The following FBLN5 variants were observed in gnomAD, a reference collection of about 807,000 sequenced individuals.
FBLN5 encodes the protein fibulin 5.
Under a neutral mutation model 61.6 loss-of-function variants are expected in FBLN5, and 24 were observed. That is an observed-to-expected ratio of 0.39 (90% CI 0.28 to 0.55). FBLN5 has a LOEUF of 0.55. Ranked by LOEUF, FBLN5 falls within the 20% of genes least tolerant of loss-of-function variation. FBLN5 has a pLI of 0.65. For synonymous variants in FBLN5, 213 were observed against 219.8 expected (o/e 0.97, Z 0.27); for missense variants, 470 against 594.1 (o/e 0.79, Z 2.17).
At chr14:91,921,917 C>G (rs377202426) in intron 4 of FBLN5, among the ~76,000 whole-genome samples, 1 of 152,156 alleles carries the variant, frequency 6.6e-6, no homozygotes, top group East Asian at 1.9e-4. Context: ...CCTAAAAGGG[C>G]CTAAAGCTGG....
At chr14:91,891,649 C>G (rs373107338) in intron 5 of FBLN5, among the ~76,000 whole-genome samples, 1 of 152,164 alleles carries the variant, frequency 6.6e-6, no homozygotes, top group East Asian at 1.9e-4. Flanking sequence ...CAATTTTACC[C>G]AGCTCTAAGA....
At chr14:91,915,382 CTT>C (rs2140014167) in intron 4 of FBLN5, among the ~76,000 whole-genome samples, 1 of 152,132 alleles carries the variant, frequency 6.6e-6, no homozygotes, top group African/African-American at 2.4e-5. Flanking sequence ...AGTCCCCTAA[CTT>C]TAAGAAATTA....
At chr14:91,907,513 G>C (rs1890731328) in intron 4 of FBLN5, among the ~76,000 whole-genome samples, 1 of 152,158 alleles carries the variant, frequency 6.6e-6, no homozygotes, top group Admixed American at 6.5e-5. Flanking sequence ...AGAGCACAGA[G>C]ACATGAGAGG....
chr14:91,892,038 G>A (rs990291580), intron 5 of FBLN5, among the ~76,000 whole-genome samples: 1 of 152,210 alleles, frequency 6.6e-6, no homozygotes, highest in African/African-American at 2.4e-5. Context: ...CCAAGCCACA[G>A]CTGGCCTTGC....
chr14:91,921,380 A>G (rs1300654846), intron 4 of FBLN5, among the ~76,000 whole-genome samples: 1 of 152,188 alleles, frequency 6.6e-6, no homozygotes, highest in African/African-American at 2.4e-5. Flanking sequence ...AGCACCAACT[A>G]TGGGCCAGGC....
chr14:91,875,256 G>A lies in FBLN5; in HGVS notation c.1185+2231C>T, dbSNP rs559472103. Reference sequence around the variant, plus strand: ...AGGATGCAGAAAGTGGTACCAGACTGTCTCCAGGAGAAGTCTGGAGATGTG... The same window carrying A: ...AGGATGCAGAAAGTGGTACCAGACTATCTCCAGGAGAAGTCTGGAGATGTG... On this transcript the variant is annotated intron_variant, in intron 10 of 10. Coordinates refer to ENST00000342058, the MANE Select transcript of FBLN5 (RefSeq NM_006329.4). Among the ~76,000 whole-genome samples, 4 of 152,300 alleles carry A rather than the reference G, an allele frequency of 2.6e-5. No individual in the cohort carries two copies. In the South Asian group the frequency reaches 8.3e-4, roughly 32 times the overall value.
intron 4 of FBLN5, among the ~76,000 whole-genome samples, chr14:91,923,119 G>A (rs189068626): frequency 2.0e-5 from 3 of 152,276 alleles, no homozygotes; most frequent in Admixed American, 6.5e-5. Context: ...GTCAAGGCTG[G>A]AGGAAGCCTC....
At chr14:91,881,788 T>A (rs1032196463) in intron 8 of FBLN5, among the ~76,000 whole-genome samples, 52 of 151,136 alleles carry the variant, frequency 3.4e-4, no homozygotes, top group Non-Finnish European at 6.1e-4. Context: ...ATATATATAA[T>A]TTTTTTTAAT....
chr14:91,906,361 G>A (rs1311556352), intron 4 of FBLN5, among the ~76,000 whole-genome samples: 1 of 152,162 alleles, frequency 6.6e-6, no homozygotes, highest in African/African-American at 2.4e-5. Context: ...CCCAGGAAAC[G>A]AGGGGAAGAG....
chr14:91,900,688 T>C (rs369896927), intron 4 of FBLN5, among the ~76,000 whole-genome samples: 17 of 152,248 alleles, frequency 1.1e-4, no homozygotes, highest in South Asian at 6.2e-4. Context: ...GGCAATTTAC[T>C]GGATCCTTGG....
chr14:91,944,941 C>T (rs1451196055), intron 1 of FBLN5, among the ~76,000 whole-genome samples: 1 of 152,138 alleles, frequency 6.6e-6, no homozygotes, highest in Non-Finnish European at 1.5e-5. Context: ...GAAAAAAAGA[C>T]AAAATCAGGC....
intron 7 of FBLN5, among the ~76,000 whole-genome samples, chr14:91,884,263 AT>A (rs1034177191): frequency 2.0e-5 from 3 of 152,172 alleles, no homozygotes; most frequent in African/African-American, 7.2e-5. Flanking sequence ...TAGGATGCTG[AT>A]TTGAAAAGTC....
intron 4 of FBLN5, among the ~76,000 whole-genome samples, chr14:91,920,455 T>G (rs2055714437): frequency 6.6e-6 from 1 of 152,186 alleles, no homozygotes; most frequent in Non-Finnish European, 1.5e-5. Flanking sequence ...CTCAAGGTCA[T>G]TCAGCTGCTG....
In FBLN5 at chr14:91,870,345, G is replaced by C; in HGVS notation, c.1226C>G (p.Pro409Arg). ...CTGGATTTCCCGGGGCCCTTTGATG[G>C]GGCGTGTCATCACCAGGGTGGCACT... is the stretch of plus-strand genomic sequence containing the variant. ...PISATLVMTR[P>R]IKGPREIQLD... is the part of the protein sequence containing the mutation. Residue 409 changes from proline to arginine, a missense_variant, in exon 11 of 11, where the codon CCC (proline) becomes CGC (arginine). Pro to Arg is a moderately radical substitution (Grantham distance 103). Coordinates refer to ENST00000342058, the MANE Select transcript of FBLN5 (RefSeq NM_006329.4). 1.2e-6 allele frequency: 2 copies of C among 1,614,132 alleles called. No homozygotes were observed. Among genetic ancestry groups the C allele is most frequent in the Non-Finnish European group, 1.7e-6 (2 of 1,180,022 alleles).
rs142805563 is a variant in FBLN5, at chr14:91,899,572, C to A, written c.380-4500G>T. Among the ~76,000 whole-genome samples the A allele has an allele frequency of 2.6e-3, 392 of 152,352 alleles. 3 individuals are homozygous for A. Among genetic ancestry groups the A allele is most frequent in the African/African-American group, 8.4e-3 (349 of 41,590 alleles). On this transcript the variant is annotated intron_variant, in intron 4 of 10. Coordinates refer to ENST00000342058, the MANE Select transcript of FBLN5 (RefSeq NM_006329.4). ...ACAGAGTGGCCTTCTCAATCTGAAA[C>A]AACTGCTCACTTAGGAAAGTCATCA...
chr14:91,912,463 G>C (rs1890988710), intron 4 of FBLN5, among the ~76,000 whole-genome samples: 1 of 152,130 alleles, frequency 6.6e-6, no homozygotes, highest in Admixed American at 6.6e-5. Context: ...TGGCCAACGT[G>C]GTGAAACCCT....
At chr14:91,915,686 CA>C (rs34675184) in intron 4 of FBLN5, among the ~76,000 whole-genome samples, 10,324 of 43,110 alleles carry the variant, frequency 0.24, 97 homozygotes, top group Admixed American at 0.29. Flanking sequence ...GACTCCATCT[CA>C]AAAAAAAAAA....
intron 4 of FBLN5, among the ~76,000 whole-genome samples, chr14:91,906,867 A>G (rs931536943): frequency 7.9e-5 from 12 of 152,212 alleles, no homozygotes; most frequent in African/African-American, 2.9e-4. Flanking sequence ...CAACACTGGT[A>G]TCGGTACTAG....
intron 4 of FBLN5, among the ~76,000 whole-genome samples, chr14:91,912,290 A>C (rs1254417337): frequency 1.3e-5 from 2 of 152,196 alleles, no homozygotes; most frequent in East Asian, 3.8e-4. Context: ...TGAGGCCAGG[A>C]GTTAGAGACC....
Sources: allele counts gnomAD v4.1 joint callset (sites outside exome capture counted in the v4.1 genomes callset), GRCh38; gene constraint gnomAD v4.1.1; transcripts MANE v1.5; gene names NCBI Gene and HGNC (gene_info 2026-07-23, HGNC 2026-07-21).